NUCB1: variants seen among roughly 807,000 people sequenced by gnomAD.
NUCB1 encodes nucleobindin-1.
A neutral mutation model predicts 61.2 loss-of-function variants in NUCB1; 47 were observed. The ratio of observed to expected loss-of-function variants is 0.77; its 90% CI spans 0.61 to 0.98. NUCB1 has a LOEUF of 0.98. NUCB1 is among the 50% of genes least tolerant of loss of function. NUCB1 has a pLI of 0.00. For synonymous variants in NUCB1, 234 were observed against 243.1 expected, an observed-to-expected ratio of 0.96 and a Z score of 0.35; for missense variants, 583 against 605.3, an observed-to-expected ratio of 0.96 and a Z score of 0.39.
At chr19:48,913,330 C>G in intron 6 of NUCB1, 134 bp downstream of exon 6, 1 of 1,208,876 alleles carries the variant, frequency 8.3e-7, no homozygotes, top group Non-Finnish European at 1.2e-6. Context: ...CCTGGCTGCC[C>G]CAGGGTCTGC....
chr19:48,913,618 C>T (rs1316422429), intron 7 of NUCB1, 54 bp downstream of exon 7: 24 of 1,436,100 alleles, frequency 1.7e-5, no homozygotes, highest in Non-Finnish European at 2.3e-5. Context: ...TCTGACCCTT[C>T]TAGGACCTGA....
intron 7 of NUCB1, among the ~76,000 whole-genome samples, chr19:48,915,004 C>T (rs1262624833): frequency 2.0e-5 from 3 of 151,960 alleles, no homozygotes; most frequent in South Asian, 2.1e-4. Flanking sequence ...CACTTGAACC[C>T]GGGAGGCAGA....
chr19:48,902,258 ACAC>A (rs1352834757), intron 2 of NUCB1, among the ~76,000 whole-genome samples: 3 of 150,938 alleles, frequency 2.0e-5, no homozygotes, highest in African/African-American at 7.3e-5. Context: ...CTACAGGCGC[ACAC>A]CACCACGCCC....
chr19:48,919,251 AG>A lies in NUCB1; in HGVS notation c.969del (p.Lys324ArgfsTer24). 1 of 1,613,866 alleles carries A rather than the reference AG, an allele frequency of 6.2e-7. No individual in the cohort carries two copies. The highest frequency in any genetic ancestry group is 8.5e-7 in the Non-Finnish European group (1 of 1,179,876). On this transcript the variant is annotated frameshift_variant, in exon 10 of 13. Transcript: ENST00000405315. LOFTEE classifies it high-confidence loss of function. ...TLEEFLASTQ[R>X]KEFGDTGEGW... ...GGAGGAGTTCCTCGCATCCACTCAG[AG>A]GAAGGAGTTTGGGGACACCGGGGAG...
chr19:48,904,631 C>A (rs2037393458), intron 3 of NUCB1, among the ~76,000 whole-genome samples, 177 bp downstream of exon 3: 1 of 151,674 alleles, frequency 6.6e-6, no homozygotes, highest in African/African-American at 2.4e-5. Context: ...TCAAGCAGTT[C>A]TCCTGCCTCA....
In NUCB1 at chr19:48,900,777, C is replaced by G. The variant is rs558177719; in HGVS notation, c.-11-9C>G. On this transcript the variant is annotated splice_polypyrimidine_tract_variant and intron_variant, in intron 1 of 12. Coordinates refer to ENST00000405315, the MANE Select transcript of NUCB1 (RefSeq NM_006184.6). ...CATTATGCATTATCCAGCCCTCCAT[C>G]CCCCACAGACCACACTGCCATGCCT... 5 of 1,612,660 alleles carry G rather than the reference C, an allele frequency of 3.1e-6. No individual in the cohort carries two copies. The African/African-American group carries it at 4.0e-5, about 13-fold the overall frequency.
intron 4 of NUCB1, among the ~76,000 whole-genome samples, chr19:48,908,724 GTGTGT>G (rs2037440494): frequency 3.2e-5 from 3 of 92,794 alleles, no homozygotes; most frequent in African/African-American, 1.1e-4. Flanking sequence ...ACCAAGGGGT[GTGTGT>G]GTGTGTGTGT....
chr19:48,919,376 C>G, intron 10 of NUCB1, 90 bp downstream of exon 10: 1 of 939,880 alleles, frequency 1.1e-6, no homozygotes, highest in South Asian at 1.6e-5. Context: ...TTCTCTTTCT[C>G]TCTGGGTCCC....
rs2037566797 is a variant in NUCB1 at position 48,918,585 on chromosome 19, G to T, written c.758-141G>T. 6.7e-5 allele frequency: 47 copies of T among 704,546 alleles called. No homozygotes were observed. The South Asian group carries it at 7.7e-4, about 12-fold the overall frequency. 43.6% of individuals were successfully genotyped at this position (704,546 alleles called of 1,614,324 possible). On this transcript the variant is annotated intron_variant, in intron 7 of 12. Transcript: ENST00000405315. ...GTCTAGTGGGGTACTAAAGCCTGGG[G>T]GCCACCGTTCCACCGCGGGAGACCC...
chr19:48,918,588 C>A, intron 7 of NUCB1, 138 bp from the exon 8 acceptor site: 1 of 711,954 alleles, frequency 1.4e-6, no homozygotes, highest in Non-Finnish European at 2.6e-6. Flanking sequence ...GCCTGGGGGC[C>A]ACCGTTCCAC....
chr19:48,914,210 G>C (rs191184344), intron 7 of NUCB1, among the ~76,000 whole-genome samples: 1 of 151,870 alleles, frequency 6.6e-6, no homozygotes, highest in African/African-American at 2.4e-5. Flanking sequence ...TCCCAACCTC[G>C]TGTGATCTGC....
intron 2 of NUCB1, among the ~76,000 whole-genome samples, chr19:48,902,397 C>T (rs1413822575): frequency 6.7e-6 from 1 of 149,526 alleles, no homozygotes; most frequent in East Asian, 1.9e-4. Context: ...GCATGAGCCA[C>T]CTCATTTTTT....
intron 10 of NUCB1, among the ~76,000 whole-genome samples, chr19:48,920,675 C>A (rs1469680987): frequency 6.6e-6 from 1 of 152,072 alleles, no homozygotes; most frequent in African/African-American, 2.4e-5. Flanking sequence ...ATGCATGTAC[C>A]ACCATGCCCT....
intron 4 of NUCB1, among the ~76,000 whole-genome samples, chr19:48,906,959 C>T (rs1337287411): frequency 6.7e-6 from 1 of 150,132 alleles, no homozygotes; most frequent in African/African-American, 2.5e-5. Flanking sequence ...ACTGTTTTTC[C>T]TTGCTCAGCT....
At chr19:48,918,694 C>G in intron 7 of NUCB1, 32 bp from the exon 8 acceptor site, 1 of 1,594,396 alleles carries the variant, frequency 6.3e-7, no homozygotes, top group Non-Finnish European at 8.6e-7. Flanking sequence ...TCCTCGGTCC[C>G]CTGAGATACC....
At chr19:48,915,019 G>T (rs1057192205) in intron 7 of NUCB1, among the ~76,000 whole-genome samples, 1 of 152,052 alleles carries the variant, frequency 6.6e-6, no homozygotes, top group Non-Finnish European at 1.5e-5. Context: ...GGCAGAGTTT[G>T]CAGTGAGCCA....
At position 48,916,602 on chromosome 19, in the gene NUCB1, A is replaced by G. The variant is rs141287258; in HGVS notation, c.758-2124A>G. 1.4e-4 allele frequency among the ~76,000 whole-genome samples: 21 copies of G among 151,652 alleles called. No individual in the cohort carries two copies. The Middle Eastern group carries it at 0.01, about 74-fold the overall frequency. ...ACCAGTGCCCTCCAGCCTGGGCAAC[A>G]GAGTGAAACCCTGTCTCTAAAAAAT... On this transcript the variant is annotated intron_variant, in intron 7 of 12. Transcript: ENST00000405315.
At position 48,922,302 on chromosome 19, in the gene NUCB1, C is replaced by G; in HGVS notation, c.1280-16C>G. On this transcript the variant is annotated splice_polypyrimidine_tract_variant and intron_variant, in intron 12 of 12. Coordinates refer to ENST00000405315, the MANE Select transcript of NUCB1 (RefSeq NM_006184.6). Reference sequence around the variant, plus strand: ...TTCGGATGTCCTGTGCCACCATTCCCTCCCTCCATTTCCAGACGATGTACC... The same window carrying G: ...TTCGGATGTCCTGTGCCACCATTCCGTCCCTCCATTTCCAGACGATGTACC... 1 of 1,603,032 alleles carries G rather than the reference C, an allele frequency of 6.2e-7. No individual in the cohort carries two copies.
At chr19:48,911,386 G>A (rs1393901148) in intron 5 of NUCB1, 134 bp downstream of exon 5, 3 of 574,722 alleles carry the variant, frequency 5.2e-6, no homozygotes, top group Non-Finnish European at 9.2e-6. Context: ...GTAGAGGGCT[G>A]AGTCGTTTCT....
Sources: gnomAD v4.1 joint callset for allele counts (sites outside exome capture counted in the v4.1 genomes callset) on GRCh38, gnomAD v4.1.1 for gene constraint, MANE v1.5 for transcripts, NCBI Gene and HGNC (gene_info 2026-07-23, HGNC 2026-07-21) for gene names.